UBR3: variants seen among roughly 807,000 people sequenced by gnomAD.
The protein encoded by UBR3 is ubiquitin protein ligase E3 component n-recognin 3, also known as E3 ubiquitin-protein ligase UBR3.
UBR3 carries 85 observed loss-of-function variants against 243.2 expected under a neutral mutation model. The ratio of observed to expected loss-of-function variants is 0.35; its 90% confidence interval spans 0.29 to 0.42. UBR3 has a LOEUF of 0.42. UBR3 is among the 10% of genes least tolerant of loss of function. The pLI, the probability that UBR3 is intolerant of heterozygous loss-of-function variation, is 1.00. For missense variants in UBR3, 1,686 were observed against 2,300.8 expected (o/e 0.73, Z 5.47); for synonymous variants, 748 against 799.8 (o/e 0.94, Z 1.09).
intron 35 of UBR3, among the ~76,000 whole-genome samples, chr2:170,070,143 T>C (rs915171345): frequency 1.3e-5 from 2 of 152,170 alleles, no homozygotes; most frequent in African/African-American, 2.4e-5. Flanking sequence ...TAATGCTGCA[T>C]TGAACATGGG....
At chr2:169,880,350 G>A (rs1430055202) in intron 5 of UBR3, among the ~76,000 whole-genome samples, 1 of 152,184 alleles carries the variant, frequency 6.6e-6, no homozygotes, top group African/African-American at 2.4e-5. Context: ...AGCATGCCTA[G>A]CATTATGTAT....
In UBR3 at chr2:170,080,659, C is replaced by T. The variant is rs780624972; in HGVS notation, c.5524C>T (p.His1842Tyr). 10 of 1,613,790 alleles carry T rather than the reference C, an allele frequency of 6.2e-6. No homozygotes were observed. The highest frequency in any genetic ancestry group is 1.6e-4 in the Middle Eastern group (1 of 6,062). ...CLWGSVYLDA[H>Y]GEEDRDLRRG... Reference sequence around the variant, plus strand: ...CTGGGGTTCCGTGTATTTGGATGCTCATGGAGAGGAAGACCGGGATCTTAG... The same window carrying T: ...CTGGGGTTCCGTGTATTTGGATGCTTATGGAGAGGAAGACCGGGATCTTAG... The change falls in exon 38 of 39, where the codon CAT becomes TAT. Residue 1842 changes from histidine to tyrosine, a missense_variant. Transcript: ENST00000272793.
chr2:170,015,198 T>C (rs1449775682), intron 29 of UBR3, 83 bp from the exon 30 acceptor site: 6 of 1,160,578 alleles, frequency 5.2e-6, no homozygotes, highest in Non-Finnish European at 7.3e-6. Context: ...ACTTTATTTT[T>C]TAGGTTGATT....
At chr2:170,016,159 A>G (rs988167721) in intron 30 of UBR3, among the ~76,000 whole-genome samples, 3 of 151,912 alleles carry the variant, frequency 2.0e-5, no homozygotes, top group South Asian at 2.1e-4. Flanking sequence ...TTATCAATAC[A>G]TGTTGGTTTT....
intron 30 of UBR3, among the ~76,000 whole-genome samples, chr2:170,027,219 C>T (rs1350186987): frequency 1.3e-5 from 2 of 151,506 alleles, no homozygotes; most frequent in Non-Finnish European, 3.0e-5. Context: ...ATGTATCTGC[C>T]CGTATGTAAG....
At chr2:169,867,717 T>C (rs746527612) in intron 1 of UBR3, among the ~76,000 whole-genome samples, 1 of 152,248 alleles carries the variant, frequency 6.6e-6, no homozygotes, top group Admixed American at 6.5e-5. Flanking sequence ...GTTTTTATAT[T>C]ATGAAAATTT....
At chr2:169,912,125 C>T (rs1419466597) in intron 10 of UBR3, among the ~76,000 whole-genome samples, 2 of 152,170 alleles carry the variant, frequency 1.3e-5, no homozygotes, top group Non-Finnish European at 2.9e-5. Context: ...ATATAATTTA[C>T]ATAGGTAGCT....
chr2:170,017,203 TAA>T (rs76143029), intron 30 of UBR3, among the ~76,000 whole-genome samples: 169 of 147,628 alleles, frequency 1.1e-3, no homozygotes, highest in African/African-American at 3.5e-3. Flanking sequence ...GTGGTATTAT[TAA>T]AAAAAAAAAA....
At chr2:169,989,194 T>C (rs1025762230) in intron 25 of UBR3, among the ~76,000 whole-genome samples, 1 of 152,252 alleles carries the variant, frequency 6.6e-6, no homozygotes, top group Admixed American at 6.5e-5. Context: ...AAGAAAGGTC[T>C]TGTTTTTTAA....
chr2:170,029,776 A>G (rs1404546418), intron 31 of UBR3, among the ~76,000 whole-genome samples: 1 of 152,036 alleles, frequency 6.6e-6, no homozygotes, highest in African/African-American at 2.4e-5. Context: ...TGATTCCTGC[A>G]TTGTAAAGTG....
chr2:169,924,581 G>A (rs969015475), intron 13 of UBR3, among the ~76,000 whole-genome samples: 6 of 152,208 alleles, frequency 3.9e-5, no homozygotes, highest in Admixed American at 2.6e-4. Flanking sequence ...GCTTATATAA[G>A]CACTGTGATT....
chr2:170,053,620 C>G (rs1188318500), intron 32 of UBR3, among the ~76,000 whole-genome samples: 1 of 152,146 alleles, frequency 6.6e-6, no homozygotes, highest in African/African-American at 2.4e-5. Context: ...TTGGGGACCC[C>G]CAACACAGCC....
chr2:170,014,050 T>G lies in UBR3; in HGVS notation c.4368-1231T>G, dbSNP rs1035089180. 9 of 395,832 alleles carry G rather than the reference T, an allele frequency of 2.3e-5. No homozygotes were observed. The East Asian group carries it at 3.2e-4, about 14-fold the overall frequency. 24.5% of individuals were successfully genotyped at this position (395,832 alleles called of 1,614,324 possible). On this transcript the variant is annotated intron_variant, in intron 29 of 38. Transcript: ENST00000272793. ...TTCCCTTGTCACACAGATGCCCTTATCAGCAGCAACCAGATGGAGCTCTGA... is the reference window on the plus strand; with the variant it reads ...TTCCCTTGTCACACAGATGCCCTTAGCAGCAGCAACCAGATGGAGCTCTGA...
At chr2:169,845,501 ATCG>A (rs879064379) in intron 1 of UBR3, among the ~76,000 whole-genome samples, 3,691 of 93,862 alleles carry the variant, frequency 0.039, 134 homozygotes, top group African/African-American at 0.091. Context: ...CTTCGTCGTC[ATCG>A]TCGTCGTCGT....
chr2:169,827,460 C>G lies in UBR3; in HGVS notation c.-48C>G, dbSNP rs940025502. On this transcript the variant is annotated 5_prime_UTR_variant, in exon 1 of 39. Transcript: ENST00000272793. Reference sequence around the variant, plus strand: ...CGCAGCAGTCTATTCCCTCACTCTCCCTGGAGGAGCCGCTGGCCCTGGACT... The same window carrying G: ...CGCAGCAGTCTATTCCCTCACTCTCGCTGGAGGAGCCGCTGGCCCTGGACT... The G allele has an allele frequency of 4.1e-6, 5 of 1,218,196 alleles. No homozygotes were observed. The highest frequency in any genetic ancestry group is 5.1e-6 in the Non-Finnish European group (5 of 979,160). 75.5% of individuals were successfully genotyped at this position (1,218,196 alleles called of 1,614,324 possible).
At chr2:169,831,129 T>TATATATATA (rs2081925483) in intron 1 of UBR3, among the ~76,000 whole-genome samples, 13 of 23,784 alleles carry the variant, frequency 5.5e-4, no homozygotes, top group East Asian at 5.0e-3. Flanking sequence ...ATATATATAT[T>TATATATATA]TTTTTTTTTT....
intron 23 of UBR3, among the ~76,000 whole-genome samples, chr2:169,955,577 T>A (rs879688698): frequency 1.3e-5 from 2 of 151,910 alleles, no homozygotes; most frequent in African/African-American, 2.4e-5. Context: ...GCAGATCACC[T>A]GAGGTCAGGA....
chr2:170,075,264 G>A (rs1293784575), intron 36 of UBR3, among the ~76,000 whole-genome samples: 1 of 151,914 alleles, frequency 6.6e-6, no homozygotes, highest in South Asian at 2.1e-4. Context: ...ATATCTTCCT[G>A]TCTAGTAATT....
At chr2:169,947,857 T>C (rs1015055590) in intron 22 of UBR3, 142 bp downstream of exon 22, 6 of 1,235,080 alleles carry the variant, frequency 4.9e-6, no homozygotes, top group Non-Finnish European at 6.1e-6. Flanking sequence ...TCCTCTGATA[T>C]ATCTATGTAA....
Sources: gnomAD v4.1 joint callset for allele counts (sites outside exome capture counted in the v4.1 genomes callset) on GRCh38, gnomAD v4.1.1 for gene constraint, MANE v1.5 for transcripts, NCBI Gene and HGNC (gene_info 2026-07-23, HGNC 2026-07-21) for gene names.